HS3ST3B1: variants seen among roughly 807,000 people sequenced by gnomAD.
HS3ST3B1 encodes the protein heparan sulfate glucosamine 3-O-sulfotransferase 3B1.
Under a neutral mutation model 21.3 loss-of-function variants are expected in HS3ST3B1, and 13 were observed. That is an observed-to-expected ratio of 0.61 (90% CI 0.40 to 0.97). The LOEUF (loss-of-function observed/expected upper bound fraction) is 0.97, where lower values mean the gene tolerates loss of function less well. HS3ST3B1 is among the 50% of genes least tolerant of loss of function. The pLI, the probability that HS3ST3B1 is intolerant of heterozygous loss-of-function variation, is 0.00. For missense variants in HS3ST3B1, 459 were observed against 554.8 expected (o/e 0.83, Z 1.73); for synonymous variants, 234 against 254.8 (o/e 0.92, Z 0.78).
intron 1 of HS3ST3B1, among the ~76,000 whole-genome samples, chr17:14,323,316 G>A (rs1431599185): frequency 6.6e-6 from 1 of 152,130 alleles, no homozygotes; most frequent in East Asian, 1.9e-4. Context: ...ACTGCACTGG[G>A]GAATTTGCAT....
At position 14,346,835 on chromosome 17, in the gene HS3ST3B1, C is replaced by G. The variant is rs1289197117; in HGVS notation, c.*1189C>G. On this transcript the variant is annotated 3_prime_UTR_variant, in exon 2 of 2. Transcript: ENST00000360954. ...AAAGAATCCCGTAGGCTAGCAGAGC[C>G]ACCAGCACAAACCAAGGGCGCTGGG... 1.3e-5 allele frequency: 2 copies of G among 152,242 alleles called. No individual in the cohort carries two copies. Among genetic ancestry groups the G allele is most frequent in the African/African-American group, 2.4e-5 (1 of 41,414 alleles). 9.4% of individuals were successfully genotyped at this position (152,242 alleles called of 1,614,324 possible). A position where few individuals can be genotyped will look rare whatever the true frequency, so the allele number is the denominator to read the frequency against.
chr17:14,320,664 G>T (rs1909631960), intron 1 of HS3ST3B1, among the ~76,000 whole-genome samples: 1 of 152,160 alleles, frequency 6.6e-6, no homozygotes, highest in African/African-American at 2.4e-5. Flanking sequence ...AGAAAAAAGG[G>T]CCAGTGCTGG....
chr17:14,329,505 A>C (rs965588651), intron 1 of HS3ST3B1: 11 of 149,932 alleles, frequency 7.3e-5, no homozygotes, highest in African/African-American at 2.5e-4. Flanking sequence ...AGAAGGAAAG[A>C]GAGAAGGAGA....
intron 1 of HS3ST3B1, among the ~76,000 whole-genome samples, chr17:14,343,177 G>A (rs1910441007): frequency 6.6e-6 from 1 of 151,882 alleles, no homozygotes; most frequent in African/African-American, 2.4e-5. Context: ...GAGAGGCGGA[G>A]GTTGCAGTGA....
Position 14,348,215 on chromosome 17 carries a change from A to C in HS3ST3B1, c.*2569A>C, listed in dbSNP as rs530478289. On this transcript the variant is annotated 3_prime_UTR_variant, in exon 2 of 2. Coordinates refer to ENST00000360954, the MANE Select transcript of HS3ST3B1 (RefSeq NM_006041.3). ...CTCTTTCCAAGCTGGACAATTTTTT[A>C]TTAAGTTGTTTATTCCCTGCCTTAA... 12 of 152,170 alleles carry C rather than the reference A, an allele frequency of 7.9e-5. No homozygotes were observed. The highest frequency in any genetic ancestry group is 1.6e-4 in the Non-Finnish European group (11 of 68,018). The allele number at this position is 152,170 out of a possible 1,614,324, so 9.4% of individuals were successfully genotyped here.
chr17:14,316,010 C>A (rs1215638207), intron 1 of HS3ST3B1, among the ~76,000 whole-genome samples: 5 of 152,182 alleles, frequency 3.3e-5, no homozygotes, highest in African/African-American at 1.2e-4. Flanking sequence ...TACCTTCCAG[C>A]ATCCTGAGGC....
chr17:14,316,752 A>G (rs773094003), intron 1 of HS3ST3B1, among the ~76,000 whole-genome samples: 6 of 152,246 alleles, frequency 3.9e-5, no homozygotes, highest in Non-Finnish European at 8.8e-5. Context: ...GGAACACTGA[A>G]AAGTGTCCTG....
intron 1 of HS3ST3B1, among the ~76,000 whole-genome samples, chr17:14,331,341 T>C (rs916107222): frequency 6.7e-6 from 1 of 149,886 alleles, no homozygotes; most frequent in African/African-American, 2.4e-5. Context: ...CAGGTGGCCA[T>C]TGTGAAGCGG....
At position 14,301,850 on chromosome 17, in the gene HS3ST3B1, C is replaced by A; in HGVS notation, c.332C>A (p.Pro111Gln). 6.3e-7 allele frequency: 1 copy of A among 1,594,648 alleles called. No homozygotes were observed. The change falls in exon 1 of 2, where the codon CCG (proline) becomes CAG (glutamine). Residue 111 changes from proline to glutamine, a missense_variant. Physicochemically the swap from Pro to Gln is moderately conservative, Grantham distance 76. This residue lies in a region of HS3ST3B1 where 317 missense variants were observed against 278.6 expected (regional missense o/e 1.14). Transcript: ENST00000360954. The part of the protein sequence containing the change: ...GKEMAEGAAS[P>Q]EEQSPEVPDS... ...GAGATGGCCGAGGGCGCTGCGAGCC[C>A]GGAGGAGCAGAGTCCCGAGGTGCCG...
intron 1 of HS3ST3B1, among the ~76,000 whole-genome samples, chr17:14,310,764 CG>C (rs1275987642): frequency 6.6e-6 from 1 of 152,134 alleles, no homozygotes; most frequent in Non-Finnish European, 1.5e-5. Flanking sequence ...GATGTGCTGT[CG>C]GGCTTGTCCC....
chr17:14,321,593 A>T (rs529897006), intron 1 of HS3ST3B1, among the ~76,000 whole-genome samples: 2 of 152,328 alleles, frequency 1.3e-5, no homozygotes, highest in African/African-American at 4.8e-5. Flanking sequence ...CTGGGTTTGT[A>T]TCACCAGCAG....
Position 14,316,102 on chromosome 17 carries a change from C to T in HS3ST3B1, c.554+14030C>T, listed in dbSNP as rs141899838. On this transcript the variant is annotated intron_variant, in intron 1 of 1. Coordinates refer to ENST00000360954, the MANE Select transcript of HS3ST3B1 (RefSeq NM_006041.3). ...TTCTTGCAGTTCTAAGAGTCTGACA[C>T]TAATCCTGTGCTCCCGCTCTCTCTC... Among the ~76,000 whole-genome samples the T allele has an allele frequency of 3.4e-3, 517 of 152,236 alleles. 7 individuals are homozygous for T. Among genetic ancestry groups the T allele is most frequent in the African/African-American group, 0.012 (492 of 41,546 alleles).
chr17:14,344,650 C>T (rs913397050), intron 1 of HS3ST3B1, among the ~76,000 whole-genome samples: 7 of 152,110 alleles, frequency 4.6e-5, no homozygotes, highest in Middle Eastern at 3.2e-3. Flanking sequence ...CTGGGAGTCC[C>T]GGGTGCTATA....
rs1459911390 is a variant in HS3ST3B1, at chr17:14,302,047, T to C, written c.529T>C (p.Tyr177His). ...CGAGCCCCATTTCTTCGATCGCAGC[T>C]ACGACAAGGGCCTCGCTTGGTACCG... ...GAEPHFFDRSYDKGLAWYRDL... is the reference protein window; with the variant it reads ...GAEPHFFDRSHDKGLAWYRDL... Residue 177 changes from tyrosine to histidine, a missense_variant, in exon 1 of 2, where the codon TAC becomes CAC. Tyr to His is a moderately conservative substitution (Grantham distance 83). Transcript: ENST00000360954. The C allele has an allele frequency of 8.7e-6, 14 of 1,605,602 alleles. No individual in the cohort carries two copies. Among genetic ancestry groups the C allele is most frequent in the African/African-American group, 1.3e-5 (1 of 74,912 alleles).
At chr17:14,336,814 GTCTT>G (rs755896480) in intron 1 of HS3ST3B1, among the ~76,000 whole-genome samples, 5 of 152,132 alleles carry the variant, frequency 3.3e-5, no homozygotes, top group Non-Finnish European at 7.4e-5. Context: ...AGAACTTAGT[GTCTT>G]TCTTTCCTTT....
chr17:14,318,690 TA>T (rs2142333726), intron 1 of HS3ST3B1, among the ~76,000 whole-genome samples: 2 of 152,290 alleles, frequency 1.3e-5, no homozygotes, highest in Non-Finnish European at 2.9e-5. Context: ...GGCAGCTGGT[TA>T]GGGGGCTGCC....
intron 1 of HS3ST3B1, among the ~76,000 whole-genome samples, chr17:14,342,126 C>T (rs1324335655): frequency 6.6e-6 from 1 of 152,188 alleles, no homozygotes; most frequent in Non-Finnish European, 1.5e-5. Context: ...GATCAAGTTT[C>T]TATGGTTTCC....
intron 1 of HS3ST3B1, among the ~76,000 whole-genome samples, chr17:14,340,000 C>T (rs182452587): frequency 1.6e-4 from 25 of 152,196 alleles, no homozygotes; most frequent in East Asian, 1.2e-3. Context: ...TCCAGGACTG[C>T]GCGGTTGTAG....
intron 1 of HS3ST3B1, among the ~76,000 whole-genome samples, chr17:14,310,382 G>A (rs1909268483): frequency 6.6e-6 from 1 of 152,126 alleles, no homozygotes; most frequent in Admixed American, 6.5e-5. Flanking sequence ...TGCCCAAGGT[G>A]GACTCAGCCC....
Sources: allele counts gnomAD v4.1 joint callset (sites outside exome capture counted in the v4.1 genomes callset), GRCh38; gene constraint gnomAD v4.1.1; regional missense constraint gnomAD v4.1.1; transcripts MANE v1.5; gene names NCBI Gene and HGNC (gene_info 2026-07-23, HGNC 2026-07-21).